AJAP1: variants seen among roughly 807,000 people sequenced by gnomAD.
AJAP1 encodes the protein adherens junctions associated protein 1, also known as adherens junction-associated protein 1.
Under a neutral mutation model 35.0 loss-of-function variants are expected in AJAP1, and 5 were observed. The ratio of observed to expected loss-of-function variants is 0.14; its 90% CI spans 0.07 to 0.30. AJAP1 has a LOEUF of 0.30. Among genes scored for constraint, AJAP1 ranks in the 10% least tolerant of loss-of-function variants. The pLI, the probability that AJAP1 is intolerant of heterozygous loss-of-function variation, is 1.00. For synonymous variants in AJAP1, 284 were observed against 249.3 expected (o/e 1.14, Z -1.31); for missense variants, 586 against 571.0 (o/e 1.03, Z -0.27).
chr1:4,672,339 C>T (rs1471043174), intron 1 of AJAP1, among the ~76,000 whole-genome samples: 5 of 152,148 alleles, frequency 3.3e-5, no homozygotes, highest in Admixed American at 6.5e-5. Flanking sequence ...GTCATGAATA[C>T]GGAGACACAG....
intron 2 of AJAP1, among the ~76,000 whole-genome samples, chr1:4,736,234 T>C (rs1415046176): frequency 2.0e-5 from 3 of 152,222 alleles, no homozygotes; most frequent in South Asian, 4.1e-4. Flanking sequence ...AGCTCTGATG[T>C]TGCCCCTCGC....
intron 1 of AJAP1, among the ~76,000 whole-genome samples, chr1:4,690,334 A>G (rs1403525940): frequency 6.6e-6 from 1 of 152,082 alleles, no homozygotes; most frequent in Non-Finnish European, 1.5e-5. Context: ...TGGGTCTGCA[A>G]AGTCCAGCCC....
At position 4,692,623 on chromosome 1, in the gene AJAP1, C is replaced by A. The variant is rs532484013; in HGVS notation, c.30-19277C>A. Among the ~76,000 whole-genome samples, 4 of 152,324 alleles carry A rather than the reference C, an allele frequency of 2.6e-5. No individual in the cohort carries two copies. In the East Asian group the frequency reaches 7.7e-4, roughly 29 times the overall value. Reference sequence around the variant, plus strand: ...GTGGACCCCACAAATCAAGCCTCATCATTCCTTCTCTCCCTGCCTCCTGTC... The same window carrying A: ...GTGGACCCCACAAATCAAGCCTCATAATTCCTTCTCTCCCTGCCTCCTGTC... On this transcript the variant is annotated intron_variant, in intron 1 of 5. Transcript: ENST00000378191. The surrounding 1 kb of genome is among the most constrained non-coding windows in gnomAD (Gnocchi z 4.4).
chr1:4,660,669 C>T (rs561685803), intron 1 of AJAP1, among the ~76,000 whole-genome samples: 17 of 151,488 alleles, frequency 1.1e-4, no homozygotes, highest in Non-Finnish European at 1.5e-4. Context: ...TTTTAGGGGT[C>T]GTGTATTTGT....
intron 2 of AJAP1, 131 bp downstream of exon 2, chr1:4,712,830 C>T (rs1640296262): frequency 1.0e-6 from 1 of 968,794 alleles, no homozygotes; most frequent in Non-Finnish European, 1.5e-6. Flanking sequence ...CGTGATGTGT[C>T]CATGAGCTTG....
At chr1:4,718,842 G>A (rs1352929919) in intron 2 of AJAP1, among the ~76,000 whole-genome samples, 2 of 152,086 alleles carry the variant, frequency 1.3e-5, no homozygotes, top group Non-Finnish European at 2.9e-5. Flanking sequence ...CACCAGGCCT[G>A]GAGAGGTGCC....
At chr1:4,772,878 A>G (rs553655559) in intron 4 of AJAP1, among the ~76,000 whole-genome samples, 22 of 152,280 alleles carry the variant, frequency 1.4e-4, no homozygotes, top group Admixed American at 8.5e-4. Context: ...CTAAATATCA[A>G]CAGATCACAA....
rs535490099 is a variant in AJAP1 at position 4,765,988 on chromosome 1, A to G, written c.830-3865A>G. ...TTGATGGTGGAGGAGCAAGGTTCTA[A>G]TCCTTCAAACTAAAAGATTGCAGTT... On this transcript the variant is annotated intron_variant, in intron 2 of 5. Transcript: ENST00000378191. 5.3e-5 allele frequency among the ~76,000 whole-genome samples: 8 copies of G among 152,312 alleles called. No homozygotes were observed. In the East Asian group the frequency reaches 1.4e-3, roughly 26 times the overall value.
At chr1:4,746,570 G>A (rs1028110448) in intron 2 of AJAP1, among the ~76,000 whole-genome samples, 2 of 152,172 alleles carry the variant, frequency 1.3e-5, no homozygotes, top group Non-Finnish European at 2.9e-5. Context: ...TCTGTGCAGG[G>A]ACCACAACTG....
rs1291777886 is a variant in AJAP1 at position 4,655,301 on chromosome 1, G to A, written c.-125G>A. 1 of 721,120 alleles carries A rather than the reference G, an allele frequency of 1.4e-6. No individual in the cohort carries two copies. Among genetic ancestry groups the A allele is most frequent in the African/African-American group, 1.9e-5 (1 of 51,444 alleles). 44.7% of individuals were successfully genotyped at this position (721,120 alleles called of 1,614,324 possible). A position where few individuals can be genotyped will look rare whatever the true frequency, so the allele number is the denominator to read the frequency against. ...CTCGCTGTGCGCCCCGCGGCCGGCG[G>A]GCGGCGGGAGGCGGCGGACCGAGAG... On this transcript the variant is annotated 5_prime_UTR_variant, in exon 1 of 6. Transcript: ENST00000378191. The surrounding 1 kb of genome is among the most constrained non-coding windows in gnomAD (Gnocchi z 6.9).
chr1:4,695,447 G>A (rs1053408782), intron 1 of AJAP1, among the ~76,000 whole-genome samples: 8 of 152,194 alleles, frequency 5.3e-5, no homozygotes, highest in Admixed American at 2.0e-4. Flanking sequence ...GCCCGTGCTT[G>A]TGAGTGTTCC....
At chr1:4,664,006 A>G (rs906844499) in intron 1 of AJAP1, among the ~76,000 whole-genome samples, 4 of 152,186 alleles carry the variant, frequency 2.6e-5, no homozygotes, top group East Asian at 3.8e-4. Context: ...GAACAGTTGC[A>G]TGACACTTAC....
At chr1:4,702,467 C>T (rs1391756205) in intron 1 of AJAP1, among the ~76,000 whole-genome samples, 2 of 152,252 alleles carry the variant, frequency 1.3e-5, no homozygotes, top group Non-Finnish European at 2.9e-5. Context: ...TTTGGCTTTG[C>T]TTACTTAGCT....
rs78451923 is a variant in AJAP1 at position 4,693,225 on chromosome 1, C to T, written c.30-18675C>T. Reference sequence around the variant, plus strand: ...TCAAAGGCCCACCCGAGTGGGGAGGCGCCCATGGGAACTTTAGACACCAGG... The same window carrying T: ...TCAAAGGCCCACCCGAGTGGGGAGGTGCCCATGGGAACTTTAGACACCAGG... On this transcript the variant is annotated intron_variant, in intron 1 of 5. Transcript: ENST00000378191. The surrounding 1 kb of genome is among the most constrained non-coding windows in gnomAD (Gnocchi z 4.4). 9.1e-3 allele frequency among the ~76,000 whole-genome samples: 1,386 copies of T among 152,152 alleles called. 9 individuals carry two copies. The highest frequency in any genetic ancestry group is 0.011 in the Non-Finnish European group (742 of 67,998).
At position 4,774,567 on chromosome 1, in the gene AJAP1, C is replaced by A; in HGVS notation, c.*59+9C>A. The A allele has an allele frequency of 6.8e-7, 1 of 1,478,616 alleles. No homozygotes were observed. Among genetic ancestry groups the A allele is most frequent in the South Asian group, 1.1e-5 (1 of 88,238 alleles). 91.6% of individuals were successfully genotyped at this position (1,478,616 alleles called of 1,614,324 possible). A position where few individuals can be genotyped will look rare whatever the true frequency, so the allele number is the denominator to read the frequency against. ...CGTGTGTCTGTTTCACGGTAGGTAC[C>A]TCTCTTTGGACATTCCTGTTTTCGT... On this transcript the variant is annotated intron_variant, in intron 5 of 5. Transcript: ENST00000378191.
chr1:4,665,700 G>C (rs1383657529), intron 1 of AJAP1, among the ~76,000 whole-genome samples: 2 of 152,170 alleles, frequency 1.3e-5, no homozygotes, highest in African/African-American at 4.8e-5. Flanking sequence ...TTTGTCCTGG[G>C]ACAGGCTGCC....
chr1:4,772,161 A>G (rs1641849365), intron 3 of AJAP1, 119 bp from the exon 4 acceptor site: 2 of 1,283,186 alleles, frequency 1.6e-6, no homozygotes, highest in Middle Eastern at 2.4e-4. Flanking sequence ...TTACCGTTTA[A>G]TATGAAATGA....
chr1:4,705,831 G>A (rs905356480), intron 1 of AJAP1, among the ~76,000 whole-genome samples: 5 of 152,056 alleles, frequency 3.3e-5, no homozygotes, highest in East Asian at 1.9e-4. Flanking sequence ...TTGATGCCAC[G>A]TGGTATTCTG....
intron 1 of AJAP1, among the ~76,000 whole-genome samples, chr1:4,699,284 C>G (rs72638813): frequency 0.091 from 13,825 of 152,304 alleles, 723 homozygotes; most frequent in African/African-American, 0.14. Flanking sequence ...TTCTTTTCCT[C>G]TCTTCAAATT....
Sources: allele counts gnomAD v4.1 joint callset (sites outside exome capture counted in the v4.1 genomes callset), GRCh38; gene constraint gnomAD v4.1.1; non-coding constraint Gnocchi (gnomAD v3.1); transcripts MANE v1.5; gene names NCBI Gene and HGNC (gene_info 2026-07-23, HGNC 2026-07-21).